PCDH15: variants seen among roughly 807,000 people sequenced by gnomAD.
PCDH15 encodes the protein protocadherin-15.
Under a neutral mutation model 178.5 loss-of-function variants are expected in PCDH15, and 129 were observed. The observed-to-expected ratio is 0.72, with a 90% CI of 0.63 to 0.84. The LOEUF is 0.84. Among genes scored for constraint, PCDH15 ranks in the 40% least tolerant of loss-of-function variants. The pLI is 0.00. For missense variants in PCDH15, 2,230 were observed against 2,099.9 expected (o/e 1.06, Z -1.21); for synonymous variants, 800 against 732.0 (o/e 1.09, Z -1.50).
At chr10:55,093,247 T>C (rs1017819735) in intron 2 of PCDH15, among the ~76,000 whole-genome samples, 12 of 152,104 alleles carry the variant, frequency 7.9e-5, no homozygotes, top group African/African-American at 2.9e-4. Flanking sequence ...TCATGTAATT[T>C]ATGTGATGAA....
intron 2 of PCDH15, among the ~76,000 whole-genome samples, chr10:55,348,366 C>A (rs896669485): frequency 6.6e-6 from 1 of 151,980 alleles, no homozygotes; most frequent in East Asian, 1.9e-4. Context: ...AAATAACACA[C>A]AAATTCCATT....
intron 1 of PCDH15, among the ~76,000 whole-genome samples, chr10:54,696,861 A>G (rs1226873758): frequency 6.6e-6 from 1 of 152,148 alleles, no homozygotes; most frequent in Non-Finnish European, 1.5e-5. Context: ...AAGTCATTGC[A>G]GGGATGGATG....
chr10:55,126,138 C>A (rs1837894450), intron 2 of PCDH15, among the ~76,000 whole-genome samples: 3 of 152,016 alleles, frequency 2.0e-5, no homozygotes. Flanking sequence ...TCTGGACTGA[C>A]CTTCATGCTG....
chr10:53,971,734 A>T (rs2089707163), intron 21 of PCDH15, among the ~76,000 whole-genome samples: 1 of 152,202 alleles, frequency 6.6e-6, no homozygotes, highest in African/African-American at 2.4e-5. Context: ...CTTACAAGGG[A>T]TGTGAAGGAC....
At chr10:54,126,257 G>A (rs2041981234) in intron 15 of PCDH15, among the ~76,000 whole-genome samples, 1 of 151,910 alleles carries the variant, frequency 6.6e-6, no homozygotes, top group South Asian at 2.1e-4. Context: ...TTTTAGTAGA[G>A]ACAGGGATTC....
chr10:54,795,915 A>T (rs1348699055), intron 1 of PCDH15, among the ~76,000 whole-genome samples: 1 of 151,884 alleles, frequency 6.6e-6, no homozygotes, highest in Non-Finnish European at 1.5e-5. Flanking sequence ...CCATTTACTG[A>T]AATATACCTT....
chr10:54,903,612 C>A (rs1420974252), intron 2 of PCDH15, among the ~76,000 whole-genome samples: 1 of 151,430 alleles, frequency 6.6e-6, no homozygotes, highest in African/African-American at 2.4e-5. Flanking sequence ...CATTAAAGAG[C>A]AGTAAGTATA....
chr10:53,838,338 T>C (rs554309305), intron 29 of PCDH15, among the ~76,000 whole-genome samples: 33 of 152,266 alleles, frequency 2.2e-4, no homozygotes, highest in Admixed American at 1.5e-3. Context: ...ATGATAGTTA[T>C]TTTATTGAAT....
intron 2 of PCDH15, among the ~76,000 whole-genome samples, chr10:55,131,873 G>T (rs1838056444): frequency 6.6e-6 from 1 of 152,196 alleles, no homozygotes; most frequent in Non-Finnish European, 1.5e-5. Flanking sequence ...TTGATCTGCA[G>T]AACTGACAGC....
chr10:53,913,436 A>G (rs1296659190), intron 25 of PCDH15, among the ~76,000 whole-genome samples: 1 of 152,114 alleles, frequency 6.6e-6, no homozygotes, highest in Non-Finnish European at 1.5e-5. Context: ...AGATCTAGTT[A>G]AAATAAAGAG....
intron 2 of PCDH15, among the ~76,000 whole-genome samples, chr10:54,615,785 C>T (rs2093123935): frequency 6.6e-6 from 1 of 152,058 alleles, no homozygotes; most frequent in Admixed American, 6.6e-5. Context: ...CTCCATTTAT[C>T]TTGAAATATG....
chr10:55,056,921 A>G (rs1841321836), intron 2 of PCDH15, among the ~76,000 whole-genome samples: 1 of 152,006 alleles, frequency 6.6e-6, no homozygotes, highest in Non-Finnish European at 1.5e-5. Flanking sequence ...GGCATGAGCC[A>G]CCCCGCCTTG....
At chr10:53,845,794 T>C (rs2077932913) in intron 28 of PCDH15, among the ~76,000 whole-genome samples, 1 of 151,800 alleles carries the variant, frequency 6.6e-6, no homozygotes, top group Admixed American at 6.6e-5. Context: ...AAATAAGTTA[T>C]AGTATTCAAC....
intron 2 of PCDH15, among the ~76,000 whole-genome samples, chr10:55,068,848 T>A (rs1337778286): frequency 6.6e-6 from 1 of 151,782 alleles, no homozygotes; most frequent in Non-Finnish European, 1.5e-5. Context: ...TATGAGTAAG[T>A]TCTCTTTTTT....
chr10:55,549,388 C>A (rs552926714), intron 2 of PCDH15, among the ~76,000 whole-genome samples: 5 of 152,030 alleles, frequency 3.3e-5, no homozygotes, highest in African/African-American at 1.2e-4. Flanking sequence ...ACATTCAGTA[C>A]AACAAAATTA....
chr10:54,944,335 T>C (rs1838137616), intron 2 of PCDH15, among the ~76,000 whole-genome samples: 1 of 151,932 alleles, frequency 6.6e-6, no homozygotes, highest in Non-Finnish European at 1.5e-5. Flanking sequence ...AAGGTTTCTG[T>C]GAATTACAAG....
chr10:54,405,879 A>G (rs1952603065), intron 3 of PCDH15, among the ~76,000 whole-genome samples: 1 of 151,838 alleles, frequency 6.6e-6, no homozygotes, highest in Non-Finnish European at 1.5e-5. Flanking sequence ...TAATTCTTTT[A>G]AAAAAGAAAA....
intron 2 of PCDH15, among the ~76,000 whole-genome samples, chr10:55,481,233 C>A (rs1343618200): frequency 3.3e-5 from 5 of 151,412 alleles, no homozygotes; most frequent in African/African-American, 1.2e-4. Flanking sequence ...CTGTTTTTTA[C>A]TTTATTATTC....
intron 2 of PCDH15, among the ~76,000 whole-genome samples, chr10:54,965,563 G>A (rs1838764077): frequency 6.6e-6 from 1 of 150,640 alleles, no homozygotes; most frequent in South Asian, 2.1e-4. Context: ...ATAACAGTAT[G>A]AAAATGGACT....
Sources: gnomAD v4.1 joint callset for allele counts (sites outside exome capture counted in the v4.1 genomes callset) on GRCh38, gnomAD v4.1.1 for gene constraint, MANE v1.5 for transcripts, NCBI Gene and HGNC (gene_info 2026-07-23, HGNC 2026-07-21) for gene names.